BMP7: variants seen among roughly 807,000 people sequenced by gnomAD.
The protein encoded by BMP7 is bone morphogenetic protein 7.
In BMP7, 12 loss-of-function variants were observed where a neutral mutation model predicts 41.2. The observed-to-expected ratio is 0.29, with a 90% CI of 0.19 to 0.47. The LOEUF is 0.47. Among genes scored for constraint, BMP7 ranks in the 20% least tolerant of loss-of-function variants. The pLI is 0.99. For missense variants in BMP7, 467 were observed against 606.0 expected (o/e 0.77, Z 2.41); for synonymous variants, 248 against 250.0 (o/e 0.99, Z 0.07).
chr20:57,181,255 A>G (rs6127967), intron 4 of BMP7, among the ~76,000 whole-genome samples: 118,648 of 152,064 alleles, frequency 0.78, 49,115 homozygotes, highest in East Asian at 0.98. Context: ...CTGTAATCTC[A>G]GTACTTTGGG....
intron 3 of BMP7, among the ~76,000 whole-genome samples, chr20:57,190,844 T>C (rs1029701398): frequency 1.3e-5 from 2 of 152,088 alleles, no homozygotes; most frequent in African/African-American, 4.8e-5. Context: ...CTCCAAAGCT[T>C]GTTCACCAGA....
intron 1 of BMP7, among the ~76,000 whole-genome samples, chr20:57,239,693 C>T (rs1216628810): frequency 6.6e-6 from 1 of 152,264 alleles, no homozygotes; most frequent in East Asian, 1.9e-4. Flanking sequence ...CATTTCCATA[C>T]ATTTTCTGAA....
At chr20:57,218,445 G>GTAGCTGGTGTTTGGTGT (rs1985087878) in intron 2 of BMP7, among the ~76,000 whole-genome samples, 1 of 151,136 alleles carries the variant, frequency 6.6e-6, no homozygotes, top group Non-Finnish European at 1.5e-5. Context: ...GTGTTTGGTG[G>GTAGCTGGTGTTTGGTGT]TAGCTGGTGT....
At chr20:57,203,468 A>AGTGG (rs1436551215) in intron 2 of BMP7, among the ~76,000 whole-genome samples, 2 of 149,674 alleles carry the variant, frequency 1.3e-5, no homozygotes, top group African/African-American at 5.0e-5. Context: ...TGGGTAGATG[A>AGTGG]GTGGGTGGGT....
At chr20:57,210,114 T>G (rs1984843669) in intron 2 of BMP7, among the ~76,000 whole-genome samples, 1 of 152,172 alleles carries the variant, frequency 6.6e-6, no homozygotes, top group South Asian at 2.1e-4. Context: ...ACCCCAAAAG[T>G]CGTCTTCTCT....
At chr20:57,249,218 G>C (rs116685986) in intron 1 of BMP7, among the ~76,000 whole-genome samples, 3,466 of 152,066 alleles carry the variant, frequency 0.023, 153 homozygotes, top group African/African-American at 0.079. Flanking sequence ...AGGTCCTTAA[G>C]TGTAAGTATA....
chr20:57,237,466 T>C (rs563266169), intron 1 of BMP7, among the ~76,000 whole-genome samples: 4 of 152,356 alleles, frequency 2.6e-5, no homozygotes, highest in African/African-American at 9.6e-5. Flanking sequence ...GGAGGCAGTT[T>C]ACGACCCACA....
chr20:57,183,804 C>A lies in BMP7; in HGVS notation c.876G>T (p.Arg292=), dbSNP rs764729918. 1 of 1,614,186 alleles carries A rather than the reference C, an allele frequency of 6.2e-7. No homozygotes were observed. The highest frequency in any genetic ancestry group is 8.5e-7 in the Non-Finnish European group (1 of 1,180,052). ...GGCTGCGCTGTTTGCTCCCCGTGGA[C>A]CGGATGCTGCGGAAGTGGACCTCCG... ...KATEVHFRSI[R]STGSKQRSQN... is the part of the protein sequence containing the mutation. The change falls in exon 4 of 7, where the codon CGG becomes CGT. Residue 292 remains arginine, a synonymous_variant. Transcript: ENST00000395863.
chr20:57,189,073 C>T (rs897408091), intron 3 of BMP7, among the ~76,000 whole-genome samples: 1 of 152,168 alleles, frequency 6.6e-6, no homozygotes, highest in Non-Finnish European at 1.5e-5. Context: ...GAGGTCAGCA[C>T]CCCAGGGGTG....
intron 4 of BMP7, among the ~76,000 whole-genome samples, chr20:57,181,105 C>T (rs1380067509): frequency 6.6e-6 from 1 of 152,102 alleles, no homozygotes; most frequent in Non-Finnish European, 1.5e-5. Flanking sequence ...CAGGTTTGCA[C>T]CTCAGACCTT....
rs111656769 is a variant in BMP7 at position 57,228,324 on chromosome 20, G to A, written c.516C>T (p.Ala172=). The A allele has an allele frequency of 1.4e-4, 228 of 1,613,858 alleles. No individual in the cohort carries two copies. The highest frequency in any genetic ancestry group is 1.7e-4 in the Non-Finnish European group (196 of 1,179,986). ...TGTAGTCCTTGTAGATCCGGAATTC[G>A]GCTGCCGTGACAGCTTCCCCTTCTG... ...KIPEGEAVTA[A]EFRIYKDYIR... The change falls in exon 2 of 7, where the codon GCC becomes GCT. Residue 172 remains alanine (A), a synonymous_variant. Coordinates refer to ENST00000395863, the MANE Select transcript of BMP7 (RefSeq NM_001719.3). This position sits in a 1 kb window ranked among gnomAD's most constrained non-coding sequence, Gnocchi z 4.5.
chr20:57,195,393 G>A (rs1230175909), intron 3 of BMP7, among the ~76,000 whole-genome samples: 1 of 152,234 alleles, frequency 6.6e-6, no homozygotes, highest in Non-Finnish European at 1.5e-5. Flanking sequence ...CAAGTGACAA[G>A]TGAGAACTTA....
At chr20:57,241,262 G>A (rs988138148) in intron 1 of BMP7, among the ~76,000 whole-genome samples, 1 of 152,146 alleles carries the variant, frequency 6.6e-6, no homozygotes, top group Non-Finnish European at 1.5e-5. Flanking sequence ...ACCATGCTCT[G>A]CTCTTGGCAC....
chr20:57,186,808 A>T (rs1984222069), intron 3 of BMP7, among the ~76,000 whole-genome samples: 1 of 152,200 alleles, frequency 6.6e-6, no homozygotes, highest in African/African-American at 2.4e-5. Flanking sequence ...GTTTTTTAAC[A>T]ACTAGTGTTT....
chr20:57,225,453 G>GTT (rs917375828), intron 2 of BMP7, among the ~76,000 whole-genome samples: 2 of 152,102 alleles, frequency 1.3e-5, no homozygotes, highest in African/African-American at 4.8e-5. Context: ...CTTCCTGTGT[G>GTT]TAAGACACTG....
intron 1 of BMP7, among the ~76,000 whole-genome samples, chr20:57,262,684 G>A (rs2066158723): frequency 6.6e-6 from 1 of 152,184 alleles, no homozygotes; most frequent in Non-Finnish European, 1.5e-5. Flanking sequence ...CTGCAGTGCA[G>A]GGCGAAGGGG....
At chr20:57,253,078 G>A (rs754292976) in intron 1 of BMP7, among the ~76,000 whole-genome samples, 2 of 152,174 alleles carry the variant, frequency 1.3e-5, no homozygotes, top group Non-Finnish European at 2.9e-5. Flanking sequence ...AGAGATTTCT[G>A]GGTCCCCCAC....
intron 2 of BMP7, among the ~76,000 whole-genome samples, chr20:57,208,577 A>G (rs1263811307): frequency 1.3e-5 from 2 of 152,202 alleles, no homozygotes; most frequent in East Asian, 3.8e-4. Flanking sequence ...TGACCCAGTA[A>G]TTCAGCTACC....
At chr20:57,247,725 T>C (rs1384668419) in intron 1 of BMP7, among the ~76,000 whole-genome samples, 1 of 152,138 alleles carries the variant, frequency 6.6e-6, no homozygotes, top group Non-Finnish European at 1.5e-5. Context: ...TAACAAACAC[T>C]GACACAGATT....
Sources: gnomAD v4.1 joint callset for allele counts (sites outside exome capture counted in the v4.1 genomes callset) on GRCh38, gnomAD v4.1.1 for gene constraint, Gnocchi (gnomAD v3.1) non-coding constraint, MANE v1.5 for transcripts, NCBI Gene and HGNC (gene_info 2026-07-23, HGNC 2026-07-21) for gene names.